LRRK2: variants seen among roughly 807,000 people sequenced by gnomAD.
LRRK2 encodes leucine-rich repeat serine/threonine-protein kinase 2.
A neutral mutation model predicts 302.6 loss-of-function variants in LRRK2; 203 were observed. The observed-to-expected ratio is 0.67, with a 90% CI of 0.60 to 0.75. The LOEUF is 0.75. Among genes scored for constraint, LRRK2 ranks in the 30% least tolerant of loss-of-function variants. LRRK2 has a pLI of 0.00. For synonymous variants in LRRK2, 1,066 were observed against 1,031.9 expected (o/e 1.03, Z -0.63); for missense variants, 2,830 against 2,951.0 (o/e 0.96, Z 0.95).
At chr12:40,282,697 G>T (rs1943759145) in intron 18 of LRRK2, among the ~76,000 whole-genome samples, 1 of 152,156 alleles carries the variant, frequency 6.6e-6, no homozygotes, top group African/African-American at 2.4e-5. Flanking sequence ...AGGATGGGTT[G>T]AAGGTGGGCG....
Position 40,254,958 on chromosome 12 carries a change from G to C in LRRK2, c.1288+1942G>C, listed in dbSNP as rs1377604270. On this transcript the variant is annotated intron_variant, in intron 11 of 50. Transcript: ENST00000298910. ...TGGGTGTCTTTGGGTGTGCAGAGCTGAGCATGGCTTTATGTTTTTAGAAAA... is the reference window on the plus strand; with the variant it reads ...TGGGTGTCTTTGGGTGTGCAGAGCTCAGCATGGCTTTATGTTTTTAGAAAA... 2.6e-5 allele frequency among the ~76,000 whole-genome samples: 4 copies of C among 152,266 alleles called. No homozygotes were observed. In the East Asian group the frequency reaches 7.7e-4, roughly 29 times the overall value.
chr12:40,242,128 A>C (rs1015346984), intron 6 of LRRK2, among the ~76,000 whole-genome samples: 1 of 152,156 alleles, frequency 6.6e-6, no homozygotes, highest in Non-Finnish European at 1.5e-5. Flanking sequence ...AAAATTAAGA[A>C]ATCAAAAGTT....
intron 23 of LRRK2, among the ~76,000 whole-genome samples, chr12:40,297,768 G>C (rs1944436488): frequency 6.6e-6 from 1 of 151,864 alleles, no homozygotes; most frequent in Non-Finnish European, 1.5e-5. Flanking sequence ...GAAACAAAAA[G>C]TTTCGTAAAA....
chr12:40,347,774 C>T (rs1352131237), intron 42 of LRRK2, among the ~76,000 whole-genome samples: 2 of 152,124 alleles, frequency 1.3e-5, no homozygotes, highest in Non-Finnish European at 2.9e-5. Context: ...ACCAGCCTGG[C>T]CAACATGGTG....
intron 19 of LRRK2, among the ~76,000 whole-genome samples, chr12:40,287,144 A>G (rs1366041205): frequency 6.6e-6 from 1 of 151,994 alleles, no homozygotes; most frequent in Non-Finnish European, 1.5e-5. Context: ...TCTACATGAA[A>G]GCATTGTGTA....
chr12:40,236,981 C>T (rs1304279074), intron 4 of LRRK2, among the ~76,000 whole-genome samples: 4 of 151,996 alleles, frequency 2.6e-5, no homozygotes, highest in African/African-American at 7.3e-5. Context: ...ACTACTACTC[C>T]TATTCCAGTA....
intron 2 of LRRK2, among the ~76,000 whole-genome samples, chr12:40,228,760 T>C (rs2136380260): frequency 6.6e-6 from 1 of 152,310 alleles, no homozygotes; most frequent in East Asian, 1.9e-4. Context: ...TAATCCATTT[T>C]GAAATGATTT....
At chr12:40,271,240 C>T (rs564740724) in intron 14 of LRRK2, among the ~76,000 whole-genome samples, 32 of 152,176 alleles carry the variant, frequency 2.1e-4, no homozygotes, top group African/African-American at 6.7e-4. Context: ...GGACATCATT[C>T]CACACATTTA....
Position 40,299,423 on chromosome 12 carries a change from A to C in LRRK2, c.3496+166A>C, listed in dbSNP as rs10878336. ...GGTTGGCAATAAAACAAAATGCTATAAAACTATGAAAAGACATGAAAGAAA... is the reference window on the plus strand; with the variant it reads ...GGTTGGCAATAAAACAAAATGCTATCAAACTATGAAAAGACATGAAAGAAA... On this transcript the variant is annotated intron_variant, in intron 25 of 50. Transcript: ENST00000298910. 0.11 allele frequency among the ~76,000 whole-genome samples: 16,513 copies of C among 152,212 alleles called. 1,155 individuals carry two copies. Among genetic ancestry groups the C allele is most frequent in the African/African-American group, 0.18 (7,344 of 41,510 alleles).
chr12:40,250,906 C>CTAGAT (rs1046697416), intron 8 of LRRK2, among the ~76,000 whole-genome samples: 2 of 151,900 alleles, frequency 1.3e-5, no homozygotes, highest in African/African-American at 4.8e-5. Flanking sequence ...TCTAGTCTAT[C>CTAGAT]ATTGATGGGC....
chr12:40,294,427 T>C (rs1944299340), intron 21 of LRRK2, among the ~76,000 whole-genome samples: 1 of 152,006 alleles, frequency 6.6e-6, no homozygotes, highest in Middle Eastern at 3.2e-3. Flanking sequence ...AATATGAGGG[T>C]TGTTTTGTGT....
chr12:40,361,560 G>T (rs948811456), intron 47 of LRRK2, among the ~76,000 whole-genome samples: 1 of 151,838 alleles, frequency 6.6e-6, no homozygotes, highest in Non-Finnish European at 1.5e-5. Context: ...AAAAGAAAGG[G>T]CCTCCAGTTT....
intron 44 of LRRK2, among the ~76,000 whole-genome samples, chr12:40,353,438 A>G (rs1946429428): frequency 6.6e-6 from 1 of 150,492 alleles, no homozygotes; most frequent in Admixed American, 6.6e-5. Context: ...GGCCGGGCAG[A>G]GCCGCTCATC....
At chr12:40,230,665 T>C (rs1941133080) in intron 2 of LRRK2, among the ~76,000 whole-genome samples, 1 of 138,636 alleles carries the variant, frequency 7.2e-6, no homozygotes, top group Non-Finnish European at 1.6e-5. Context: ...ATATGCACTT[T>C]CTCTTTTTTT....
intron 47 of LRRK2, among the ~76,000 whole-genome samples, 170 bp from the exon 48 acceptor site, chr12:40,363,232 T>C (rs1229766406): frequency 6.6e-6 from 1 of 152,110 alleles, no homozygotes; most frequent in Non-Finnish European, 1.5e-5. Flanking sequence ...GCATGTTATA[T>C]ATTCAATTCA....
At chr12:40,242,821 A>C (rs1941796491) in intron 6 of LRRK2, among the ~76,000 whole-genome samples, 1 of 130,966 alleles carries the variant, frequency 7.6e-6, no homozygotes, top group Non-Finnish European at 1.6e-5. Context: ...AAAAAAAGGT[A>C]AGCAATATAA....
chr12:40,278,829 A>G (rs1943566798), intron 18 of LRRK2, among the ~76,000 whole-genome samples: 1 of 152,160 alleles, frequency 6.6e-6, no homozygotes, highest in South Asian at 2.1e-4. Context: ...TTCAAAATAT[A>G]ATTCAAATTA....
chr12:40,302,633 T>C (rs541349225), intron 25 of LRRK2, among the ~76,000 whole-genome samples, 156 bp from the exon 26 acceptor site: 1 of 152,274 alleles, frequency 6.6e-6, no homozygotes, highest in African/African-American at 2.4e-5. Flanking sequence ...GTATTAAGGC[T>C]ATTACCTTAT....
At chr12:40,234,095 T>C (rs1019167799) in intron 3 of LRRK2, among the ~76,000 whole-genome samples, 2 of 152,024 alleles carry the variant, frequency 1.3e-5, no homozygotes, top group African/African-American at 4.8e-5. Context: ...GTGGGAATGG[T>C]ATAGGGAGAG....
Sources: allele counts gnomAD v4.1 joint callset (sites outside exome capture counted in the v4.1 genomes callset), GRCh38; gene constraint gnomAD v4.1.1; transcripts MANE v1.5; gene names NCBI Gene and HGNC (gene_info 2026-07-23, HGNC 2026-07-21).